The following SLC35G2 variants were observed in gnomAD, a reference collection of about 807,000 sequenced individuals.
SLC35G2 encodes the protein transmembrane protein 22.
SLC35G2 carries 20 observed loss-of-function variants against 27.2 expected under a neutral mutation model. That is an observed-to-expected ratio of 0.74 (90% CI 0.52 to 1.07). The LOEUF (loss-of-function observed/expected upper bound fraction) is 1.07. Among genes scored for constraint, SLC35G2 ranks in the 50% least tolerant of loss-of-function variants. SLC35G2 has a pLI of 0.00. For synonymous variants in SLC35G2, 148 were observed against 165.3 expected, an observed-to-expected ratio of 0.90 and a Z score of 0.80; for missense variants, 416 against 493.3, an observed-to-expected ratio of 0.84 and a Z score of 1.48.
At chr3:136,832,689 C>G (rs1421010017) in intron 1 of SLC35G2, among the ~76,000 whole-genome samples, 2 of 152,204 alleles carry the variant, frequency 1.3e-5, no homozygotes, top group African/African-American at 4.8e-5. Context: ...TGCCAGATAG[C>G]TGATGTGATG....
intron 1 of SLC35G2, among the ~76,000 whole-genome samples, chr3:136,854,083 T>G (rs1299894842): frequency 6.6e-6 from 1 of 152,210 alleles, no homozygotes; most frequent in Non-Finnish European, 1.5e-5. Flanking sequence ...AAGGAAAGGT[T>G]TGACCTAAGT....
At chr3:136,824,340 T>C (rs185161450) in intron 1 of SLC35G2, among the ~76,000 whole-genome samples, 9 of 152,338 alleles carry the variant, frequency 5.9e-5, no homozygotes, top group African/African-American at 1.4e-4. Context: ...ATATTGATTC[T>C]TCCAATCCAT....
chr3:136,855,135 AGTT>A lies in SLC35G2; in HGVS notation c.679_681del (p.Val227del). 6.2e-7 allele frequency: 1 copy of A among 1,614,192 alleles called. No individual in the cohort carries two copies. The highest frequency in any genetic ancestry group is 8.5e-7 in the Non-Finnish European group (1 of 1,180,034). On this transcript the variant is annotated inframe_deletion, in exon 2 of 2. Coordinates refer to ENST00000446465, the MANE Select transcript of SLC35G2 (RefSeq NM_025246.3). ...AAATGGCTTATGTTGACATGGCTACAGTTGTTTGCAGCATCTTAGGTGTTTGTC... is the reference window on the plus strand; with the variant it reads ...AAATGGCTTATGTTGACATGGCTACAGTTTGCAGCATCTTAGGTGTTTGTC...
In SLC35G2 at chr3:136,830,100, A is replaced by C. The variant is rs781566099; in HGVS notation, c.-19+10472A>C. ...TTTCTAGATTTTTTAGACATACATTATTTCTTTTTTTTTTTTTTTTTTTTT... is the reference window on the plus strand; with the variant it reads ...TTTCTAGATTTTTTAGACATACATTCTTTCTTTTTTTTTTTTTTTTTTTTT... On this transcript the variant is annotated intron_variant, in intron 1 of 1. Transcript: ENST00000446465. Among the ~76,000 whole-genome samples the C allele has an allele frequency of 6.1e-5, 7 of 115,256 alleles. No homozygotes were observed. In the East Asian group the frequency reaches 1.8e-3, roughly 29 times the overall value. 75.6% of individuals were successfully genotyped at this position (115,256 alleles called of 152,430 possible). A position where few individuals can be genotyped will look rare whatever the true frequency, so the allele number is the denominator to read the frequency against.
intron 1 of SLC35G2, among the ~76,000 whole-genome samples, chr3:136,821,042 T>G (rs868808788): frequency 3.9e-5 from 6 of 152,164 alleles, no homozygotes; most frequent in Admixed American, 3.9e-4. Flanking sequence ...TTAAATATAT[T>G]GGTGGTATGT....
intron 1 of SLC35G2, among the ~76,000 whole-genome samples, chr3:136,854,168 G>A (rs1479284080): frequency 6.6e-6 from 1 of 152,130 alleles, no homozygotes; most frequent in Non-Finnish European, 1.5e-5. Flanking sequence ...GGAAAAATCC[G>A]TTTGTGGTAT....
intron 1 of SLC35G2, among the ~76,000 whole-genome samples, chr3:136,851,979 A>C (rs776151833): frequency 2.0e-5 from 3 of 152,222 alleles, no homozygotes; most frequent in Non-Finnish European, 2.9e-5. Context: ...CAAAGACAAA[A>C]ACAGTAAGAT....
chr3:136,821,515 C>G (rs1263439828), intron 1 of SLC35G2, among the ~76,000 whole-genome samples: 1 of 152,128 alleles, frequency 6.6e-6, no homozygotes, highest in East Asian at 1.9e-4. Flanking sequence ...GACGTGCTCT[C>G]CGCTCACTGC....
At chr3:136,832,754 TGAG>T (rs999020280) in intron 1 of SLC35G2, among the ~76,000 whole-genome samples, 1 of 152,056 alleles carries the variant, frequency 6.6e-6, no homozygotes, top group African/African-American at 2.4e-5. Context: ...GTATAGAAAC[TGAG>T]GAGAGTGGTT....
At chr3:136,833,001 G>A (rs1384882416) in intron 1 of SLC35G2, among the ~76,000 whole-genome samples, 7 of 151,182 alleles carry the variant, frequency 4.6e-5, no homozygotes, top group East Asian at 3.9e-4. Context: ...CCTGGGAGGC[G>A]GAGCTTGCAG....
intron 1 of SLC35G2, among the ~76,000 whole-genome samples, chr3:136,850,353 A>G (rs1201610171): frequency 1.3e-5 from 2 of 152,134 alleles, no homozygotes; most frequent in Admixed American, 6.5e-5. Flanking sequence ...TTTTAGTAGT[A>G]TGTGGTGAAC....
rs372028924 is a variant in SLC35G2, at chr3:136,854,469, T to C, written c.9T>C (p.Thr3=). 6.3e-7 allele frequency: 1 copy of C among 1,575,456 alleles called. No homozygotes were observed. Among genetic ancestry groups the C allele is most frequent in the Non-Finnish European group, 8.6e-7 (1 of 1,161,148 alleles). Residue 3 remains threonine (T), a synonymous_variant, in exon 2 of 2, where the codon ACT becomes ACC. Coordinates refer to ENST00000446465, the MANE Select transcript of SLC35G2 (RefSeq NM_025246.3). ...ATTGATTATCTGAAGAAATGGATACTTCTCCCTCCAGAAAATATCCAGTTA... is the reference window on the plus strand; with the variant it reads ...ATTGATTATCTGAAGAAATGGATACCTCTCCCTCCAGAAAATATCCAGTTA... The part of the protein sequence containing the change: MD[T]SPSRKYPVKK...
intron 1 of SLC35G2, among the ~76,000 whole-genome samples, chr3:136,830,104 C>CTTTTTTTT (rs71134418): frequency 1.9e-3 from 165 of 88,792 alleles, no homozygotes; most frequent in African/African-American, 2.2e-3. Context: ...TACATTATTT[C>CTTTTTTTT]TTTTTTTTTT....
At chr3:136,832,107 G>A (rs1293424606) in intron 1 of SLC35G2, among the ~76,000 whole-genome samples, 2 of 151,608 alleles carry the variant, frequency 1.3e-5, no homozygotes, top group Non-Finnish European at 2.9e-5. Flanking sequence ...TCTGCCTCCC[G>A]GGTTCATGCC....
At chr3:136,832,046 C>T (rs997446211) in intron 1 of SLC35G2, among the ~76,000 whole-genome samples, 7 of 150,994 alleles carry the variant, frequency 4.6e-5, no homozygotes, top group African/African-American at 1.7e-4. Context: ...TGGAGTCTAG[C>T]TCTGTCGCCC....
Position 136,832,884 on chromosome 3 carries a change from T to C in SLC35G2, c.-19+13256T>C, listed in dbSNP as rs533353255. ...GAGATCGACACCATCCTGGCTAACA[T>C]GGGGAAACCCCGTCTCTACTAAAAA... On this transcript the variant is annotated intron_variant, in intron 1 of 1. Coordinates refer to ENST00000446465, the MANE Select transcript of SLC35G2 (RefSeq NM_025246.3). Among the ~76,000 whole-genome samples the C allele has an allele frequency of 5.5e-3, 843 of 152,134 alleles. 3 individuals carry two copies. Among genetic ancestry groups the C allele is most frequent in the Non-Finnish European group, 9.8e-3 (663 of 67,972 alleles).
chr3:136,844,797 CAAAAAAAAAAAAAA>C (rs58243269), intron 1 of SLC35G2, among the ~76,000 whole-genome samples: 1 of 35,760 alleles, frequency 2.8e-5, no homozygotes, highest in African/African-American at 9.7e-5. Flanking sequence ...CTCTCTGTCT[CAAAAAAAAAAAAAA>C]AAAAAAAAAA....
At chr3:136,831,574 T>C (rs539027776) in intron 1 of SLC35G2, among the ~76,000 whole-genome samples, 1 of 152,220 alleles carries the variant, frequency 6.6e-6, no homozygotes, top group Non-Finnish European at 1.5e-5. Context: ...ATCCAGAGAA[T>C]GAACCAGATT....
At chr3:136,852,468 G>A (rs1009886628) in intron 1 of SLC35G2, among the ~76,000 whole-genome samples, 2 of 150,438 alleles carry the variant, frequency 1.3e-5, no homozygotes, top group Non-Finnish European at 1.5e-5. Flanking sequence ...GAGTCACGAG[G>A]AAGAAAAAAA....
Sources: gnomAD v4.1 joint callset for allele counts (sites outside exome capture counted in the v4.1 genomes callset) on GRCh38, gnomAD v4.1.1 for gene constraint, MANE v1.5 for transcripts, NCBI Gene and HGNC (gene_info 2026-07-23, HGNC 2026-07-21) for gene names.